Variants in CDCA5 observed in about 807,000 individuals in gnomAD.
CDCA5 encodes the protein cell division cycle associated 5, also known as sororin.
Under a neutral mutation model 25.7 loss-of-function variants are expected in CDCA5, and 14 were observed. That is an observed-to-expected ratio of 0.54 (90% CI 0.36 to 0.85). CDCA5 has a LOEUF of 0.85. CDCA5 is among the 40% of genes least tolerant of loss of function. CDCA5 has a pLI of 0.01. For synonymous variants in CDCA5, 127 were observed against 128.7 expected, an observed-to-expected ratio of 0.99 and a Z score of 0.09; for missense variants, 307 against 324.5, an observed-to-expected ratio of 0.95 and a Z score of 0.41.
At position 65,083,682 on chromosome 11, in the gene CDCA5, G is replaced by T. The variant is rs200080207; in HGVS notation, c.88C>A (p.Gln30Lys). The T allele has an allele frequency of 9.7e-5, 157 of 1,614,062 alleles. No individual in the cohort carries two copies. The highest frequency in any genetic ancestry group is 6.7e-4 in the Admixed American group (40 of 60,002). ...PSPTKPLRRS[Q>K]RKSGSELPSI... Reference sequence around the variant, plus strand: ...GGGAGTTCAGAGCCTGATTTCCGCTGGGACCTCCGCAGAGGCTTAGTAGGA... The same window carrying T: ...GGGAGTTCAGAGCCTGATTTCCGCTTGGACCTCCGCAGAGGCTTAGTAGGA... The change falls in exon 2 of 6, where the codon CAG becomes AAG. Residue 30 changes from glutamine to lysine, a missense_variant. By Grantham distance (53) the Gln-to-Lys change is moderately conservative. Coordinates refer to ENST00000275517, the MANE Select transcript of CDCA5 (RefSeq NM_080668.4).
intron 4 of CDCA5, among the ~76,000 whole-genome samples, chr11:65,081,427 C>CA (rs528998200): frequency 0.02 from 2,752 of 134,446 alleles, 29 homozygotes; most frequent in East Asian, 0.038. Context: ...GACTCCATCT[C>CA]AAAAAAAAAA....
At position 65,083,503 on chromosome 11, in the gene CDCA5, G is replaced by A; in HGVS notation, c.189C>T (p.Ile63=). The A allele has an allele frequency of 6.2e-7, 1 of 1,614,194 alleles. No individual in the cohort carries two copies. The highest frequency in any genetic ancestry group is 8.5e-7 in the Non-Finnish European group (1 of 1,180,034). The part of the protein sequence containing the change: ...AVRKPIVLKR[I]VAHAVEVPAV... ...CCTTTACCTCTACAGCATGGGCCACGATCCTCTTTAAGACGATGGGCTTTC... is the reference window on the plus strand; with the variant it reads ...CCTTTACCTCTACAGCATGGGCCACAATCCTCTTTAAGACGATGGGCTTTC... Residue 63 remains isoleucine, a synonymous_variant, in exon 3 of 6, where the codon ATC becomes ATT. Coordinates refer to ENST00000275517, the MANE Select transcript of CDCA5 (RefSeq NM_080668.4).
At chr11:65,079,222 A>ATCT (rs1367994528) in intron 5 of CDCA5, 35 bp from the exon 6 acceptor site, 1 of 1,552,488 alleles carries the variant, frequency 6.4e-7, no homozygotes, top group South Asian at 1.2e-5. Flanking sequence ...GGTGAGTGAG[A>ATCT]AGGGAACATG....
At chr11:65,082,757 C>T (rs879277262) in intron 4 of CDCA5, among the ~76,000 whole-genome samples, 10 of 151,992 alleles carry the variant, frequency 6.6e-5, no homozygotes, top group Non-Finnish European at 8.8e-5. Context: ...CCACTGCACC[C>T]GGCCTCTACT....
chr11:65,062,229 C>T (rs1350956539), downstream of CDCA5, among the ~76,000 whole-genome samples: 1 of 152,158 alleles, frequency 6.6e-6, no homozygotes, highest in Admixed American at 6.6e-5. Context: ...CTGCAGTGGC[C>T]TCTTAACTGG....
rs201576397 is a variant in CDCA5 at position 65,079,557 on chromosome 11, G to A, written c.474C>T (p.Ser158=). 1.2e-5 allele frequency: 19 copies of A among 1,614,132 alleles called. No individual in the cohort carries two copies. In the East Asian group the frequency reaches 3.8e-4, roughly 32 times the overall value. ...RLETLGSAST[S]TPGRRSCFGF... ...CAAAGCAGGACCGGCGGCCTGGGGT[G>A]GAGGTAGAGGCAGAGCCCAGGGTCT... The change falls in exon 5 of 6, where the codon TCC becomes TCT. Residue 158 remains serine, a synonymous_variant. Transcript: ENST00000275517.
chr11:65,067,791 C>A, intron 3 of CDCA5: 6 of 1,102,252 alleles, frequency 5.4e-6, no homozygotes, highest in Non-Finnish European at 7.3e-6. Context: ...GCCAGAGGGT[C>A]TAGGGGATGA....
At chr11:65,080,894 G>C (rs1947551249) in intron 4 of CDCA5, among the ~76,000 whole-genome samples, 1 of 152,228 alleles carries the variant, frequency 6.6e-6, no homozygotes, top group Admixed American at 6.5e-5. Context: ...GAACAGGAGA[G>C]AGTGCTTGGG....
At chr11:65,062,069 C>A (rs1028031733), downstream of CDCA5, among the ~76,000 whole-genome samples, 1 of 151,820 alleles carries the variant, frequency 6.6e-6, no homozygotes, top group Non-Finnish European at 1.5e-5. Flanking sequence ...CACAGGCATG[C>A]GCCACCATGC....
At chr11:65,065,339 G>A (rs991707382), downstream of CDCA5, among the ~76,000 whole-genome samples, 4 of 152,106 alleles carry the variant, frequency 2.6e-5, no homozygotes, top group African/African-American at 9.7e-5. Flanking sequence ...CCAGGCTGGA[G>A]TACAGTGGTG....
Position 65,066,734 on chromosome 11 carries a change from G to A in CDCA5, c.436-55C>T, listed in dbSNP as rs192923737. ...GGTAGCCAGCCATGCAGGACAACCC[G>A]AAGCCCCTCTAGGAGAGCTGGGCTG... On this transcript the variant is annotated intron_variant, in intron 5 of 6. Coordinates refer to the CDCA5 transcript ENST00000525464. The A allele has an allele frequency of 1.5e-4, 193 of 1,285,900 alleles. No individual in the cohort carries two copies. In the African/African-American group the frequency reaches 2.4e-3, roughly 16 times the overall value. 79.7% of individuals were successfully genotyped at this position (1,285,900 alleles called of 1,614,324 possible). A position where few individuals can be genotyped will look rare whatever the true frequency, so the allele number is the denominator to read the frequency against.
intron 5 of CDCA5, 72 bp from the exon 6 acceptor site, chr11:65,079,259 T>G: frequency 6.2e-7 from 1 of 1,603,162 alleles, no homozygotes; most frequent in South Asian, 1.1e-5. Context: ...ACCCACACCC[T>G]GCAGGTGCTG....
chr11:65,073,033 C>T (rs556700442), downstream of CDCA5, among the ~76,000 whole-genome samples: 4 of 150,700 alleles, frequency 2.7e-5, no homozygotes, highest in Non-Finnish European at 4.4e-5. Context: ...AACCTCCACC[C>T]GCCAGGGTTC....
intron 4 of CDCA5, chr11:65,067,566 C>T: frequency 5.8e-6 from 4 of 685,066 alleles, no homozygotes; most frequent in Non-Finnish European, 8.8e-6. Flanking sequence ...GTTCACCAGC[C>T]ACGTGGGCCC....
chr11:65,067,295 C>A (rs1213685987), intron 4 of CDCA5, among the ~76,000 whole-genome samples: 1 of 152,170 alleles, frequency 6.6e-6, no homozygotes, highest in East Asian at 1.9e-4. Flanking sequence ...CCTGCCTAGG[C>A]GCTCCAGGTC....
intron 1 of CDCA5, among the ~76,000 whole-genome samples, chr11:65,071,242 G>A (rs181757221): frequency 5.3e-5 from 8 of 151,648 alleles, no homozygotes; most frequent in East Asian, 1.9e-4. Context: ...GTGCTCGGCC[G>A]GGATTTTGGA....
chr11:65,068,538 C>T (rs931829236), exon 2 of CDCA5: 1 of 1,289,442 alleles, frequency 7.8e-7, no homozygotes, highest in Non-Finnish European at 1.0e-6. Flanking sequence ...TCTTGCTCCT[C>T]AACAGGCTGC....
downstream of CDCA5, among the ~76,000 whole-genome samples, chr11:65,062,189 G>A (rs1164263451): frequency 6.6e-6 from 1 of 152,080 alleles, no homozygotes; most frequent in Admixed American, 6.5e-5. Context: ...CAAAGTGCTG[G>A]GATTACAGGC....
At chr11:65,067,198 G>A (rs1947255473) in intron 4 of CDCA5, among the ~76,000 whole-genome samples, 1 of 152,242 alleles carries the variant, frequency 6.6e-6, no homozygotes, top group Non-Finnish European at 1.5e-5. Context: ...GTGGTATAGG[G>A]CTAGCCGCTC....
Sources: gnomAD v4.1 joint callset for allele counts (sites outside exome capture counted in the v4.1 genomes callset) on GRCh38, gnomAD v4.1.1 for gene constraint, MANE v1.5 for transcripts, NCBI Gene and HGNC (gene_info 2026-07-23, HGNC 2026-07-21) for gene names.